The following AFF4 variants were observed in gnomAD, a reference collection of about 807,000 sequenced individuals.
The protein encoded by AFF4 is ALF transcription elongation factor 4.
AFF4 carries 13 observed loss-of-function variants against 124.8 expected under a neutral mutation model. The ratio of observed to expected loss-of-function variants is 0.10; its 90% CI spans 0.07 to 0.17. AFF4 has a LOEUF of 0.17. Ranked by LOEUF, AFF4 falls within the 10% of genes least tolerant of loss-of-function variation. The pLI, the probability that AFF4 is intolerant of heterozygous loss-of-function variation, is 1.00. For synonymous variants in AFF4, 477 were observed against 496.1 expected, an observed-to-expected ratio of 0.96 and a Z score of 0.51; for missense variants, 1,092 against 1,403.8, an observed-to-expected ratio of 0.78 and a Z score of 3.55.
At position 132,937,047 on chromosome 5, in the gene AFF4, T is replaced by G. The variant is rs753939095; in HGVS notation, c.123+20A>C. On this transcript the variant is annotated intron_variant, in intron 2 of 20. Transcript: ENST00000265343. ...ATGTCATGCTAATGGGAAAAAAACA[T>G]TCACAGAAGGGCAACTTACAACTTT... 30 of 1,582,886 alleles carry G rather than the reference T, an allele frequency of 1.9e-5. No individual in the cohort carries two copies. Among genetic ancestry groups the G allele is most frequent in the Admixed American group, 1.8e-5 (1 of 57,006 alleles).
chr5:132,928,028 T>A (rs903323007), intron 4 of AFF4, among the ~76,000 whole-genome samples: 5 of 152,028 alleles, frequency 3.3e-5, no homozygotes, highest in African/African-American at 1.2e-4. Flanking sequence ...AAGTAAGCCA[T>A]CAGGTAAATT....
intron 1 of AFF4, among the ~76,000 whole-genome samples, chr5:132,938,709 C>T (rs991140419): frequency 9.2e-5 from 14 of 151,728 alleles, no homozygotes; most frequent in South Asian, 8.4e-4. Flanking sequence ...TTTGGGAGGC[C>T]GAGGTGGGCA....
At chr5:132,909,093 C>T (rs1352499786) in intron 5 of AFF4, among the ~76,000 whole-genome samples, 3 of 149,790 alleles carry the variant, frequency 2.0e-5, no homozygotes, top group Non-Finnish European at 3.0e-5. Context: ...TTTAGGGAAG[C>T]GGTTACTTCA....
chr5:132,939,299 TA>T (rs1448807344), intron 1 of AFF4, among the ~76,000 whole-genome samples: 1 of 152,148 alleles, frequency 6.6e-6, no homozygotes, highest in Admixed American at 6.6e-5. Flanking sequence ...CTAATAAGCT[TA>T]ATGTATACAA....
intron 1 of AFF4, among the ~76,000 whole-genome samples, chr5:132,947,019 T>G (rs1761715397): frequency 6.6e-6 from 1 of 152,134 alleles, no homozygotes; most frequent in African/African-American, 2.4e-5. Flanking sequence ...ATCATGCCAC[T>G]GCACTTTGTG....
chr5:132,923,443 T>G (rs984644775), intron 5 of AFF4, among the ~76,000 whole-genome samples: 3 of 151,880 alleles, frequency 2.0e-5, no homozygotes, highest in African/African-American at 4.8e-5. Context: ...GTGAGTGAGT[T>G]AGTTTTCAGT....
At chr5:132,926,699 GCT>G (rs1683750426) in intron 5 of AFF4, 3 of 69,006 alleles carry the variant, frequency 4.3e-5, no homozygotes, top group African/African-American at 5.9e-5. Flanking sequence ...ACTATGCCAA[GCT>G]TTTTTTTTTT....
In AFF4 at chr5:132,960,583, T is replaced by A. The variant is rs566105775; in HGVS notation, c.-5+2676A>T. ...TCAAAAAAGGCAAAATATATAACTTTTAGAAAGCTTCATCTTCTGTCTCAT... is the reference window on the plus strand; with the variant it reads ...TCAAAAAAGGCAAAATATATAACTTATAGAAAGCTTCATCTTCTGTCTCAT... On this transcript the variant is annotated intron_variant, in intron 1 of 20. Transcript: ENST00000265343. Among the ~76,000 whole-genome samples the A allele has an allele frequency of 1.3e-3, 200 of 152,368 alleles. 1 individual carries two copies. Among genetic ancestry groups the A allele is most frequent in the African/African-American group, 4.7e-3 (195 of 41,584 alleles).
chr5:132,881,747 C>T (rs1012462820), intron 20 of AFF4, among the ~76,000 whole-genome samples: 2 of 151,870 alleles, frequency 1.3e-5, no homozygotes, highest in South Asian at 2.1e-4. Flanking sequence ...AGTGCAGTGG[C>T]GCGATCTCGG....
At chr5:132,936,954 T>A (rs927496232) in intron 2 of AFF4, 113 bp downstream of exon 2, 20 of 1,358,228 alleles carry the variant, frequency 1.5e-5, no homozygotes, top group Non-Finnish European at 2.0e-5. Context: ...GAAAAAAATG[T>A]TAAGTGGTAT....
intron 19 of AFF4, among the ~76,000 whole-genome samples, chr5:132,883,927 A>C (rs139905843): frequency 6.6e-6 from 1 of 152,330 alleles, no homozygotes; most frequent in East Asian, 1.9e-4. Context: ...TTTTGTAGAA[A>C]GTTTGGTGGA....
intron 12 of AFF4, 26 bp downstream of exon 12, chr5:132,893,004 G>A: frequency 6.3e-7 from 1 of 1,596,532 alleles, no homozygotes; most frequent in Non-Finnish European, 8.6e-7. Context: ...AACAACACTG[G>A]CATGCAACAT....
At chr5:132,915,083 A>C (rs995697235) in intron 5 of AFF4, among the ~76,000 whole-genome samples, 4 of 152,214 alleles carry the variant, frequency 2.6e-5, no homozygotes, top group African/African-American at 9.6e-5. Flanking sequence ...TCATGCCTGT[A>C]ATCCCAGCAC....
At chr5:132,950,557 G>A (rs2150110347) in intron 1 of AFF4, among the ~76,000 whole-genome samples, 1 of 152,180 alleles carries the variant, frequency 6.6e-6, no homozygotes, top group East Asian at 1.9e-4. Context: ...GCTGAGGTAG[G>A]ACAATCGCTT....
chr5:132,952,105 C>T (rs904489554), intron 1 of AFF4, among the ~76,000 whole-genome samples: 2 of 152,178 alleles, frequency 1.3e-5, no homozygotes, highest in Non-Finnish European at 2.9e-5. Flanking sequence ...TTATGCACAT[C>T]TCTTTGTACC....
Position 132,924,452 on chromosome 5 carries a change from G to C in AFF4, c.1050+2669C>G, listed in dbSNP as rs148379280. Among the ~76,000 whole-genome samples, 651 of 152,292 alleles carry C rather than the reference G, an allele frequency of 4.3e-3. 4 individuals are homozygous for C. The highest frequency in any genetic ancestry group is 0.015 in the African/African-American group (634 of 41,568). ...GATCAGAAATTGCATAGGGACAGTG[G>C]TGGAGGCGAGGGAGACTACAAAGGA... On this transcript the variant is annotated intron_variant, in intron 5 of 20. Coordinates refer to ENST00000265343, the MANE Select transcript of AFF4 (RefSeq NM_014423.4).
chr5:132,920,907 C>G (rs143850967), intron 5 of AFF4, among the ~76,000 whole-genome samples: 5 of 152,082 alleles, frequency 3.3e-5, no homozygotes, highest in African/African-American at 1.2e-4. Context: ...GTGGGCAGAT[C>G]ATAAGGTCAG....
intron 5 of AFF4, among the ~76,000 whole-genome samples, chr5:132,910,261 G>T (rs2150081876): frequency 6.6e-6 from 1 of 152,330 alleles, no homozygotes; most frequent in South Asian, 2.1e-4. Flanking sequence ...CCAATTCAAG[G>T]AGAGAGATGA....
chr5:132,952,630 A>C (rs1306121614), intron 1 of AFF4, among the ~76,000 whole-genome samples: 1 of 152,188 alleles, frequency 6.6e-6, no homozygotes, highest in African/African-American at 2.4e-5. Context: ...GCGGTGGCTC[A>C]CACCTGTAAT....
Sources: allele counts gnomAD v4.1 joint callset (sites outside exome capture counted in the v4.1 genomes callset), GRCh38; gene constraint gnomAD v4.1.1; transcripts MANE v1.5; gene names NCBI Gene and HGNC (gene_info 2026-07-23, HGNC 2026-07-21).